The following ZBTB7C variants were observed in gnomAD, a reference collection of about 807,000 sequenced individuals.
The protein encoded by ZBTB7C is zinc finger and BTB domain containing 7C, also known as zinc finger and BTB domain-containing protein 7C.
A neutral mutation model predicts 25.7 loss-of-function variants in ZBTB7C; 8 were observed. The ratio of observed to expected loss-of-function variants is 0.31; its 90% CI spans 0.18 to 0.56. The LOEUF (loss-of-function observed/expected upper bound fraction) is 0.56, where lower values mean the gene tolerates loss of function less well. Among genes scored for constraint, ZBTB7C ranks in the 20% least tolerant of loss-of-function variants. The pLI is 0.91. For synonymous variants in ZBTB7C, 394 were observed against 369.0 expected (o/e 1.07, Z -0.78); for missense variants, 824 against 855.2 (o/e 0.96, Z 0.46).
chr18:48,202,810 TAA>T (rs1255607149), intron 2 of ZBTB7C, among the ~76,000 whole-genome samples: 1 of 151,886 alleles, frequency 6.6e-6, no homozygotes, highest in African/African-American at 2.4e-5. Context: ...CCCCAGGAGA[TAA>T]AGAGTGTCCA....
rs540843929 is a variant in ZBTB7C, at chr18:48,161,158, G to A, written c.-17+24776C>T. ...GGGACCCAGAAGGGACCCTAAAGGG[G>A]GCTGTGGGGGAGGGAGGGCCTCCTG... On this transcript the variant is annotated intron_variant, in intron 3 of 4. Transcript: ENST00000590800. Among the ~76,000 whole-genome samples, 49 of 151,872 alleles carry A rather than the reference G, an allele frequency of 3.2e-4. No individual in the cohort carries two copies. The South Asian group carries it at 0.01, about 32-fold the overall frequency.
At chr18:48,225,048 T>G (rs2043054265) in intron 2 of ZBTB7C, among the ~76,000 whole-genome samples, 2 of 152,252 alleles carry the variant, frequency 1.3e-5, no homozygotes, top group South Asian at 4.1e-4. Flanking sequence ...CTGATTGCCC[T>G]CTTCCCAGTC....
intron 1 of ZBTB7C, among the ~76,000 whole-genome samples, chr18:48,385,844 GAC>G (rs1469256274): frequency 6.6e-6 from 1 of 152,190 alleles, no homozygotes; most frequent in African/African-American, 2.4e-5. Flanking sequence ...CAGGGTGGCA[GAC>G]ACACGGCCCA....
At chr18:48,050,658 C>A (rs1387225631) in intron 3 of ZBTB7C, among the ~76,000 whole-genome samples, 1 of 152,162 alleles carries the variant, frequency 6.6e-6, no homozygotes, top group East Asian at 1.9e-4. Flanking sequence ...AATGTCCAGC[C>A]CCCTTGACAA....
At chr18:48,384,304 CA>C (rs2047697841) in intron 1 of ZBTB7C, among the ~76,000 whole-genome samples, 1 of 152,220 alleles carries the variant, frequency 6.6e-6, no homozygotes, top group Non-Finnish European at 1.5e-5. Context: ...AGCTTTAAGA[CA>C]AATCTATCCG....
intron 3 of ZBTB7C, among the ~76,000 whole-genome samples, chr18:48,160,157 TG>T (rs1170121174): frequency 1.3e-5 from 2 of 152,152 alleles, no homozygotes; most frequent in Non-Finnish European, 2.9e-5. Context: ...CAGGCTCCGA[TG>T]GGGGTCACTG....
intron 2 of ZBTB7C, among the ~76,000 whole-genome samples, chr18:48,334,912 G>A (rs2046425562): frequency 1.3e-5 from 2 of 152,174 alleles, no homozygotes; most frequent in South Asian, 4.1e-4. Flanking sequence ...ACCTGGAGTG[G>A]CTGGCAACCC....
chr18:48,258,949 G>A (rs570423083), intron 2 of ZBTB7C, among the ~76,000 whole-genome samples: 28 of 150,650 alleles, frequency 1.9e-4, no homozygotes, highest in East Asian at 1.2e-3. Context: ...GAGCCACTGC[G>A]CCCTGCCTTT....
upstream of ZBTB7C, among the ~76,000 whole-genome samples, chr18:48,410,273 C>T (rs1268396017): frequency 6.6e-6 from 1 of 152,148 alleles, no homozygotes; most frequent in Non-Finnish European, 1.5e-5. Context: ...CGCTCGGCGG[C>T]GCTGCGGCCC....
At chr18:48,031,926 A>G (rs1020406605) in intron 4 of ZBTB7C, among the ~76,000 whole-genome samples, 2 of 152,282 alleles carry the variant, frequency 1.3e-5, no homozygotes, top group Non-Finnish European at 2.9e-5. Flanking sequence ...GCAACTTCCC[A>G]GTCCTGAGGG....
At chr18:48,292,227 G>A (rs1218553781) in intron 2 of ZBTB7C, among the ~76,000 whole-genome samples, 1 of 152,124 alleles carries the variant, frequency 6.6e-6, no homozygotes, top group East Asian at 1.9e-4. Context: ...GATCTGTTAA[G>A]TACTTACATC....
chr18:48,134,189 C>G (rs541999052), intron 3 of ZBTB7C, among the ~76,000 whole-genome samples: 1 of 151,316 alleles, frequency 6.6e-6, no homozygotes, highest in Non-Finnish European at 1.5e-5. Context: ...CCCAGAGCAT[C>G]ACTCAGATGG....
At chr18:48,212,855 G>C (rs1048232167) in intron 2 of ZBTB7C, among the ~76,000 whole-genome samples, 8 of 152,034 alleles carry the variant, frequency 5.3e-5, no homozygotes, top group African/African-American at 1.7e-4. Context: ...TCCAGGTGTG[G>C]GGAAGGAGAA....
chr18:48,306,248 C>T (rs1233937685), intron 2 of ZBTB7C, among the ~76,000 whole-genome samples: 1 of 152,126 alleles, frequency 6.6e-6, no homozygotes, highest in Non-Finnish European at 1.5e-5. Flanking sequence ...CTCGTGACTC[C>T]CACTGTGATC....
At chr18:48,090,273 G>A (rs79422477) in intron 3 of ZBTB7C, among the ~76,000 whole-genome samples, 2,606 of 152,332 alleles carry the variant, frequency 0.017, 68 homozygotes, top group African/African-American at 0.058. Flanking sequence ...CCAGGGACAC[G>A]GGTGGCGTGT....
intron 2 of ZBTB7C, among the ~76,000 whole-genome samples, chr18:48,212,153 G>A (rs1261820910): frequency 6.6e-6 from 1 of 152,166 alleles, no homozygotes; most frequent in Admixed American, 6.5e-5. Flanking sequence ...CCAGGTGTTT[G>A]AGACTAGCCT....
chr18:48,081,044 ACCATGGAGCTTCTC>A (rs1395856028), intron 3 of ZBTB7C, among the ~76,000 whole-genome samples: 2 of 152,244 alleles, frequency 1.3e-5, no homozygotes, highest in Admixed American at 1.3e-4. Context: ...CTGCAAAGAC[ACCATGGAGCTTCTC>A]CCATTACTGG....
At chr18:48,274,170 T>C (rs1411678867) in intron 2 of ZBTB7C, among the ~76,000 whole-genome samples, 2 of 152,222 alleles carry the variant, frequency 1.3e-5, no homozygotes, top group Non-Finnish European at 2.9e-5. Context: ...ACTAGTCTTT[T>C]AGGACCCTTA....
At chr18:48,285,036 T>C (rs1204062929) in intron 2 of ZBTB7C, among the ~76,000 whole-genome samples, 3 of 152,230 alleles carry the variant, frequency 2.0e-5, no homozygotes, top group Non-Finnish European at 2.9e-5. Flanking sequence ...ATTTGACACT[T>C]GCTGAGACTT....
Sources: gnomAD v4.1 joint callset for allele counts (sites outside exome capture counted in the v4.1 genomes callset) on GRCh38, gnomAD v4.1.1 for gene constraint, MANE v1.5 for transcripts, NCBI Gene and HGNC (gene_info 2026-07-23, HGNC 2026-07-21) for gene names.